GSE1: variants seen among roughly 807,000 people sequenced by gnomAD.
The protein encoded by GSE1 is genetic suppressor element 1.
In GSE1, 32 loss-of-function variants were observed where a neutral mutation model predicts 112.6. The observed-to-expected ratio is 0.28, with a 90% CI of 0.21 to 0.38. The LOEUF (loss-of-function observed/expected upper bound fraction) is 0.38. Ranked by LOEUF, GSE1 falls within the 10% of genes least tolerant of loss-of-function variation. The pLI, the probability that GSE1 is intolerant of heterozygous loss-of-function variation, is 1.00. For missense variants in GSE1, 2,348 were observed against 1,699.2 expected, an observed-to-expected ratio of 1.38 and a Z score of -6.71; for synonymous variants, 1,115 against 735.6, an observed-to-expected ratio of 1.52 and a Z score of -8.35.
chr16:85,304,056 C>A (rs1181123728), intron 1 of GSE1, among the ~76,000 whole-genome samples: 1 of 152,258 alleles, frequency 6.6e-6, no homozygotes, highest in Non-Finnish European at 1.5e-5. Context: ...GAAAAAGCCG[C>A]AGGACAGAGC....
rs866012148 is a variant in GSE1, at chr16:85,652,332, C to T, written c.427-1946C>T. ...CCCCCACTACCCCGGTTGCTGACAC[C>T]GGCTGGAGACCCCAAGGCCAGGCGC... On this transcript the variant is annotated intron_variant, in intron 3 of 15. Coordinates refer to ENST00000253458, the MANE Select transcript of GSE1 (RefSeq NM_014615.5). 5.3e-5 allele frequency among the ~76,000 whole-genome samples: 8 copies of T among 152,350 alleles called. No individual in the cohort carries two copies. The East Asian group carries it at 5.8e-4, about 11-fold the overall frequency.
upstream of GSE1, among the ~76,000 whole-genome samples, chr16:85,612,877 G>A (rs1004645828): frequency 1.3e-5 from 2 of 152,210 alleles, no homozygotes; most frequent in Non-Finnish European, 2.9e-5. Context: ...ACGCAGCTGC[G>A]AGACAGGGCT....
At chr16:85,321,112 A>T (rs1183135671) in intron 1 of GSE1, among the ~76,000 whole-genome samples, 3 of 152,002 alleles carry the variant, frequency 2.0e-5, no homozygotes, top group African/African-American at 7.3e-5. Context: ...AGTCTGTGAC[A>T]CCTCCAGGCA....
At chr16:85,318,776 C>G (rs568129409) in intron 1 of GSE1, among the ~76,000 whole-genome samples, 1 of 152,326 alleles carries the variant, frequency 6.6e-6, no homozygotes, top group African/African-American at 2.4e-5. Flanking sequence ...CAGCTTCTCA[C>G]CCCCAATGAC....
At chr16:85,365,562 G>A (rs149105703) in intron 2 of GSE1, among the ~76,000 whole-genome samples, 1 of 152,306 alleles carries the variant, frequency 6.6e-6, no homozygotes, top group African/African-American at 2.4e-5. Context: ...TTGGAGCTTG[G>A]GGAGCGTCCT....
intron 1 of GSE1, among the ~76,000 whole-genome samples, chr16:85,282,496 G>A (rs1345425075): frequency 6.6e-6 from 1 of 152,144 alleles, no homozygotes; most frequent in Non-Finnish European, 1.5e-5. Context: ...GGCATTTACC[G>A]AACCCGGTGA....
intron 1 of GSE1, among the ~76,000 whole-genome samples, chr16:85,287,963 G>A (rs2930229): frequency 0.038 from 5,863 of 152,336 alleles, 349 homozygotes; most frequent in African/African-American, 0.13. Flanking sequence ...CTATTGGCCG[G>A]GCACGGTGGC....
intron 1 of GSE1, among the ~76,000 whole-genome samples, chr16:85,560,816 C>T (rs189525193): frequency 1.2e-4 from 18 of 152,080 alleles, no homozygotes; most frequent in Admixed American, 3.3e-4. Flanking sequence ...CCAGTAATAA[C>T]GATCCTAAAA....
chr16:85,170,506 A>T, exon 1 of GSE1: 1 of 985,810 alleles, frequency 1.0e-6, no homozygotes, highest in Non-Finnish European at 1.2e-6. Context: ...CAACATCACC[A>T]GTGGGGAAGA....
chr16:85,375,899 A>ATTTTATAGGTGCGCATG (rs1453063288), intron 2 of GSE1, among the ~76,000 whole-genome samples: 3 of 152,208 alleles, frequency 2.0e-5, no homozygotes, highest in African/African-American at 7.2e-5. Flanking sequence ...CAACTCCACC[A>ATTTTATAGGTGCGCATG]TCAGCCCCAT....
In GSE1 at chr16:85,373,603, G is replaced by T. The variant is rs1180525711; in HGVS notation, c.2464+15960G>T. Among the ~76,000 whole-genome samples, 3 of 152,178 alleles carry T rather than the reference G, an allele frequency of 2.0e-5. No individual in the cohort carries two copies. The highest frequency in any genetic ancestry group is 2.9e-5 in the Non-Finnish European group (2 of 68,020). ...CGCATCGCTACTATGTGTCCTCCCAGCCTGGAGTGAGTGTCTGGGAGGGCC... is the reference window on the plus strand; with the variant it reads ...CGCATCGCTACTATGTGTCCTCCCATCCTGGAGTGAGTGTCTGGGAGGGCC... On this transcript the variant is annotated intron_variant, in intron 2 of 2. Coordinates refer to the GSE1 transcript ENST00000637419. This position sits in a 1 kb window ranked among gnomAD's most constrained non-coding sequence, Gnocchi z 5.1.
At chr16:85,321,864 T>G (rs1191982539) in intron 1 of GSE1, among the ~76,000 whole-genome samples, 3 of 151,710 alleles carry the variant, frequency 2.0e-5, no homozygotes, top group African/African-American at 7.3e-5. Context: ...TTGGAACATC[T>G]AGAGTAACAG....
At chr16:85,301,427 T>G (rs8049833) in intron 1 of GSE1, among the ~76,000 whole-genome samples, 75,917 of 151,956 alleles carry the variant, frequency 0.5, 19,179 homozygotes, top group Admixed American at 0.56. Context: ...TGATCTCCTG[T>G]TAAAAGTCTG....
chr16:85,590,932 C>T (rs754125839), intron 1 of GSE1, among the ~76,000 whole-genome samples: 6 of 151,300 alleles, frequency 4.0e-5, no homozygotes, highest in Non-Finnish European at 8.8e-5. Context: ...TGCTGACATG[C>T]GGTGGGGGGG....
chr16:85,333,341 C>T (rs1331743795), intron 1 of GSE1, among the ~76,000 whole-genome samples: 1 of 152,184 alleles, frequency 6.6e-6, no homozygotes. Flanking sequence ...CCCCTCCCAG[C>T]AGCCCCAGAG....
chr16:85,324,955 C>G (rs1371602097), intron 1 of GSE1, among the ~76,000 whole-genome samples: 1 of 152,078 alleles, frequency 6.6e-6, no homozygotes. Context: ...AATTATATCC[C>G]AATTCATTTT....
At chr16:85,264,695 T>G (rs1478511234) in intron 1 of GSE1, among the ~76,000 whole-genome samples, 2 of 152,128 alleles carry the variant, frequency 1.3e-5, no homozygotes, top group African/African-American at 4.8e-5. Context: ...AAGCCCTCTC[T>G]CCCTGCTCGA....
At chr16:85,623,764 C>A (rs1295156806) in intron 1 of GSE1, among the ~76,000 whole-genome samples, 7 of 152,170 alleles carry the variant, frequency 4.6e-5, no homozygotes, top group African/African-American at 1.4e-4. Flanking sequence ...AGCTGGAGAC[C>A]CTGGACCCCT....
In GSE1 at chr16:85,176,540, G is replaced by A. The variant is rs140244959; in HGVS notation, c.2283+4733G>A. The stretch of plus-strand genomic sequence containing the variant: ...TCCTTCTGTTGCTGGGAGAGCTCCC[G>A]TCGAAGATGGGTCTGCTGCATGATG... On this transcript the variant is annotated intron_variant, in intron 1 of 2. Coordinates refer to the GSE1 transcript ENST00000637419. Among the ~76,000 whole-genome samples, 727 of 152,354 alleles carry A rather than the reference G, an allele frequency of 4.8e-3. 8 individuals carry two copies. Among genetic ancestry groups the A allele is most frequent in the African/African-American group, 0.016 (679 of 41,580 alleles).
Sources: gnomAD v4.1 joint callset for allele counts (sites outside exome capture counted in the v4.1 genomes callset) on GRCh38, gnomAD v4.1.1 for gene constraint, Gnocchi (gnomAD v3.1) non-coding constraint, MANE v1.5 for transcripts, NCBI Gene and HGNC (gene_info 2026-07-23, HGNC 2026-07-21) for gene names.